Variants in TRIO observed in about 807,000 individuals in gnomAD.
TRIO encodes trio Rho guanine nucleotide exchange factor, also known as triple functional domain protein.
In TRIO, 58 loss-of-function variants were observed where a neutral mutation model predicts 351.9. The observed-to-expected ratio is 0.16, with a 90% confidence interval of 0.13 to 0.21. The LOEUF is 0.21. Ranked by LOEUF, TRIO falls within the 10% of genes least tolerant of loss-of-function variation. The pLI, the probability that TRIO is intolerant of heterozygous loss-of-function variation, is 1.00. For missense variants in TRIO, 3,201 were observed against 4,027.8 expected (o/e 0.79, Z 5.56); for synonymous variants, 1,758 against 1,595.7 (o/e 1.10, Z -2.42).
At chr5:14,314,279 A>G (rs894229142) in intron 8 of TRIO, among the ~76,000 whole-genome samples, 2 of 152,212 alleles carry the variant, frequency 1.3e-5, no homozygotes, top group Admixed American at 1.3e-4. Flanking sequence ...TATATGCTAC[A>G]TTGTAAGTTG....
At chr5:14,445,747 G>A (rs1343221686) in intron 34 of TRIO, among the ~76,000 whole-genome samples, 1 of 152,204 alleles carries the variant, frequency 6.6e-6, no homozygotes, top group Non-Finnish European at 1.5e-5. Context: ...ATCCTTGAAA[G>A]CTGATGGATT....
chr5:14,486,007 G>A (rs955118612), intron 47 of TRIO, among the ~76,000 whole-genome samples: 1 of 152,032 alleles, frequency 6.6e-6, no homozygotes. Flanking sequence ...AAAAAGAGAC[G>A]GTTCAGTACT....
intron 1 of TRIO, among the ~76,000 whole-genome samples, chr5:14,195,393 G>A (rs898418892): frequency 6.6e-6 from 1 of 152,174 alleles, no homozygotes; most frequent in Non-Finnish European, 1.5e-5. Context: ...ATTTTGTCAG[G>A]CAAGGTGTTG....
At chr5:14,453,846 A>C (rs749497299) in intron 34 of TRIO, among the ~76,000 whole-genome samples, 1 of 152,162 alleles carries the variant, frequency 6.6e-6, no homozygotes, top group Non-Finnish European at 1.5e-5. Context: ...AAAAAGCAGG[A>C]CTGAGAGTTA....
At chr5:14,473,516 T>C (rs1182250363) in intron 39 of TRIO, among the ~76,000 whole-genome samples, 1 of 152,202 alleles carries the variant, frequency 6.6e-6, no homozygotes. Flanking sequence ...TTAAGCCACA[T>C]TTTAGCAGCA....
At chr5:14,177,325 G>A (rs749299822) in intron 1 of TRIO, among the ~76,000 whole-genome samples, 18 of 152,160 alleles carry the variant, frequency 1.2e-4, no homozygotes, top group Non-Finnish European at 1.9e-4. Context: ...CGGGATATGA[G>A]CAGATGTTAT....
At position 14,508,186 on chromosome 5, in the gene TRIO, A is replaced by G; in HGVS notation, c.9058A>G (p.Ser3020Gly). Residue 3020 changes from serine (S) to glycine (G), a missense_variant, in exon 57 of 57, where the codon AGC (serine) becomes GGC (glycine). By Grantham distance (56) the Ser-to-Gly change is moderately conservative (BLOSUM62 0). Transcript: ENST00000344204. Reference sequence around the variant, plus strand: ...CCCAGATGACTACTTTAAAGGAGTGAGCCAGAAGGCCAAGGAGTTCGTGTG... The same window carrying G: ...CCCAGATGACTACTTTAAAGGAGTGGGCCAGAAGGCCAAGGAGTTCGTGTG... ...SFPDDYFKGVSQKAKEFVCFL... is the reference protein window; with the variant it reads ...SFPDDYFKGVGQKAKEFVCFL... The G allele has an allele frequency of 6.2e-7, 1 of 1,614,164 alleles. No homozygotes were observed. The highest frequency in any genetic ancestry group is 8.5e-7 in the Non-Finnish European group (1 of 1,180,036).
Position 14,419,830 on chromosome 5 carries a change from A to G in TRIO, c.5012A>G (p.Asn1671Ser), listed in dbSNP as rs1367579543. The G allele has an allele frequency of 1.2e-6, 2 of 1,614,170 alleles. No individual in the cohort carries two copies. The highest frequency in any genetic ancestry group is 1.3e-5 in the African/African-American group (1 of 75,036). ...TVVIHDFTAC[N>S]SNELTIRRGQ... ...GTGATCCATGACTTCACCGCTTGCA[A>G]CAGCAACGAGCTGACCATCCGACGG... Residue 1671 changes from asparagine (N) to serine (S), a missense_variant, in exon 34 of 57, where the codon AAC becomes AGC. Asn to Ser is a conservative substitution (Grantham distance 46, BLOSUM62 1). Coordinates refer to ENST00000344204, the MANE Select transcript of TRIO (RefSeq NM_007118.4).
intron 19 of TRIO, among the ~76,000 whole-genome samples, chr5:14,374,677 T>C (rs1275046048): frequency 6.6e-6 from 1 of 152,178 alleles, no homozygotes; most frequent in Non-Finnish European, 1.5e-5. Flanking sequence ...ACCAGAGTTA[T>C]CTATAGGCAA....
intron 11 of TRIO, among the ~76,000 whole-genome samples, chr5:14,350,512 C>T (rs758925562): frequency 9.2e-5 from 14 of 152,210 alleles, no homozygotes; most frequent in Non-Finnish European, 1.5e-4. Flanking sequence ...AGGTTAGTCA[C>T]GTCCATCTTC....
In TRIO at chr5:14,361,648, TTG is replaced by T. The variant is rs1404982993; in HGVS notation, c.2392-2080_2392-2079del. ...ATTTATTTTAAGTCCCTCATATCTC[TTG>T]TGTTTCAATTGGAGTAGCGTCTCCA... On this transcript the variant is annotated intron_variant, in intron 13 of 56. Transcript: ENST00000344204. Among the ~76,000 whole-genome samples the T allele has an allele frequency of 2.6e-5, 4 of 152,204 alleles. No homozygotes were observed. The East Asian group carries it at 7.7e-4, about 29-fold the overall frequency.
chr5:14,185,453 G>A (rs1412337002), intron 1 of TRIO, among the ~76,000 whole-genome samples: 1 of 152,200 alleles, frequency 6.6e-6, no homozygotes, highest in East Asian at 1.9e-4. Flanking sequence ...GCCACAGCAC[G>A]TCTGCTGGCT....
chr5:14,303,761 G>T (rs6887831), intron 7 of TRIO, among the ~76,000 whole-genome samples: 9,888 of 152,170 alleles, frequency 0.065, 391 homozygotes, highest in African/African-American at 0.11. Context: ...AGGGCTGTTC[G>T]CATGGCTCAG....
intron 1 of TRIO, among the ~76,000 whole-genome samples, chr5:14,204,554 T>C (rs1791342368): frequency 6.6e-6 from 1 of 152,108 alleles, no homozygotes; most frequent in Non-Finnish European, 1.5e-5. Context: ...TGTACTTAAG[T>C]ATGGTGGAAC....
At chr5:14,396,426 T>C (rs1345367993) in intron 28 of TRIO, among the ~76,000 whole-genome samples, 2 of 141,950 alleles carry the variant, frequency 1.4e-5, no homozygotes, top group African/African-American at 2.5e-5. Flanking sequence ...ACATAATAAT[T>C]AAATATTTCT....
intron 7 of TRIO, among the ~76,000 whole-genome samples, chr5:14,303,857 C>T (rs966447008): frequency 1.3e-5 from 2 of 152,208 alleles, no homozygotes; most frequent in Non-Finnish European, 2.9e-5. Flanking sequence ...CAGAGAAGTT[C>T]AGGCCCCTTT....
intron 11 of TRIO, among the ~76,000 whole-genome samples, chr5:14,348,029 T>C (rs1742594287): frequency 6.6e-6 from 1 of 152,246 alleles, no homozygotes; most frequent in African/African-American, 2.4e-5. Context: ...CACAATGCTG[T>C]CATGCCCCCA....
At chr5:14,444,352 C>T (rs909649509) in intron 34 of TRIO, among the ~76,000 whole-genome samples, 6 of 152,210 alleles carry the variant, frequency 3.9e-5, no homozygotes, top group Non-Finnish European at 5.9e-5. Flanking sequence ...TGGATTGTTT[C>T]GACTGTGAAG....
intron 11 of TRIO, among the ~76,000 whole-genome samples, chr5:14,345,048 G>A (rs1215993567): frequency 6.6e-6 from 1 of 152,158 alleles, no homozygotes; most frequent in South Asian, 2.1e-4. Context: ...GGAAGAGAGT[G>A]ATATTATAAT....
Sources: gnomAD v4.1 joint callset for allele counts (sites outside exome capture counted in the v4.1 genomes callset) on GRCh38, gnomAD v4.1.1 for gene constraint, MANE v1.5 for transcripts, NCBI Gene and HGNC (gene_info 2026-07-23, HGNC 2026-07-21) for gene names.